The following PLCE1 variants were observed in gnomAD, a reference collection of about 807,000 sequenced individuals.
PLCE1 encodes phospholipase C epsilon 1, also known as 1-phosphatidylinositol 4,5-bisphosphate phosphodiesterase epsilon-1.
Under a neutral mutation model 242.8 loss-of-function variants are expected in PLCE1, and 119 were observed. The observed-to-expected ratio is 0.49, with a 90% CI of 0.42 to 0.57. PLCE1 has a LOEUF of 0.57. Ranked by LOEUF, PLCE1 falls within the 20% of genes least tolerant of loss-of-function variation. The pLI is 0.00. For synonymous variants in PLCE1, 945 were observed against 1,017.4 expected, an observed-to-expected ratio of 0.93 and a Z score of 1.35; for missense variants, 2,441 against 2,788.8, an observed-to-expected ratio of 0.88 and a Z score of 2.81.
intron 6 of PLCE1, among the ~76,000 whole-genome samples, chr10:94,235,112 A>C (rs1474812056): frequency 6.7e-6 from 1 of 149,708 alleles, no homozygotes; most frequent in Admixed American, 6.6e-5. Flanking sequence ...AGTCATGTAC[A>C]TGCCTTCTCC....
intron 3 of PLCE1, among the ~76,000 whole-genome samples, chr10:94,151,038 T>C (rs1175926464): frequency 6.6e-6 from 1 of 152,186 alleles, no homozygotes; most frequent in Non-Finnish European, 1.5e-5. Flanking sequence ...CCAGCAGCTG[T>C]TCTTCCATGT....
intron 2 of PLCE1, among the ~76,000 whole-genome samples, chr10:94,083,836 T>A (rs1206877783): frequency 6.6e-6 from 1 of 152,228 alleles, no homozygotes; most frequent in East Asian, 1.9e-4. Context: ...AACAGGGGCC[T>A]GTTGCCAGTA....
At chr10:94,294,004 G>A (rs1435995994) in intron 23 of PLCE1, among the ~76,000 whole-genome samples, 1 of 152,154 alleles carries the variant, frequency 6.6e-6, no homozygotes, top group Admixed American at 6.5e-5. Context: ...CTACTAGGGA[G>A]GCTGAGGCAA....
rs886047490 is a variant in PLCE1 at position 93,994,155 on chromosome 10, A to G, written c.-468A>G. The stretch of plus-strand genomic sequence containing the variant: ...GGCATCGGCTCTGCAGCTGACACAC[A>G]GTAGCGGGGACACCCGACGCCGCTA... On this transcript the variant is annotated 5_prime_UTR_variant, in exon 1 of 33. Transcript: ENST00000371380. Among the ~76,000 whole-genome samples, 3 of 151,998 alleles carry G rather than the reference A, an allele frequency of 2.0e-5. No individual in the cohort carries two copies. Among genetic ancestry groups the G allele is most frequent in the Non-Finnish European group, 2.9e-5 (2 of 67,942 alleles).
chr10:94,167,044 C>A (rs2047828193), intron 3 of PLCE1, among the ~76,000 whole-genome samples: 1 of 152,164 alleles, frequency 6.6e-6, no homozygotes, highest in Non-Finnish European at 1.5e-5. Context: ...AATCCTAGCA[C>A]TTTGGGAGGC....
intron 22 of PLCE1, among the ~76,000 whole-genome samples, chr10:94,289,625 A>G (rs2052579756): frequency 6.6e-6 from 1 of 152,200 alleles, no homozygotes; most frequent in Admixed American, 6.5e-5. Context: ...AGTGTAACAC[A>G]ATGATAAGTA....
intron 2 of PLCE1, chr10:94,089,287 A>G (rs775567770): frequency 6.2e-7 from 1 of 1,613,958 alleles, no homozygotes; most frequent in South Asian, 1.1e-5. Context: ...AGCTGTCTTG[A>G]AGGTTGGTTG....
chr10:94,095,607 T>C (rs1170695967), intron 2 of PLCE1, among the ~76,000 whole-genome samples: 1 of 152,196 alleles, frequency 6.6e-6, no homozygotes, highest in African/African-American at 2.4e-5. Context: ...CATTCAGCAC[T>C]TGCTGTGTGT....
intron 1 of PLCE1, among the ~76,000 whole-genome samples, chr10:93,999,687 C>T (rs2060896670): frequency 1.3e-5 from 2 of 152,218 alleles, no homozygotes; most frequent in South Asian, 4.1e-4. Flanking sequence ...CTCGCTCCCA[C>T]CTCTGTTCCT....
Position 94,324,908 on chromosome 10 carries a change from A to G in PLCE1, c.6737A>G (p.Lys2246Arg), listed in dbSNP as rs1554919219. Residue 2246 changes from lysine (K) to arginine (R), a missense_variant, in exon 32 of 33, where the codon AAA (lysine) becomes AGA (arginine). Lys to Arg is a conservative substitution (Grantham distance 26). Coordinates refer to ENST00000371380, the MANE Select transcript of PLCE1 (RefSeq NM_016341.4). ...KEQVQASRED[K>R]KKGISFASEL... ...TTCCCACAGGCATCTCGAGAAGATA[A>G]AAAGAAAGGCATTTCTTTCGCAAGT... The G allele has an allele frequency of 3.1e-6, 5 of 1,614,146 alleles. No individual in the cohort carries two copies. Among genetic ancestry groups the G allele is most frequent in the African/African-American group, 1.3e-5 (1 of 75,046 alleles).
At chr10:94,112,685 G>T (rs959742432) in intron 2 of PLCE1, among the ~76,000 whole-genome samples, 1 of 152,146 alleles carries the variant, frequency 6.6e-6, no homozygotes, top group East Asian at 1.9e-4. Context: ...CAGGGCTCAG[G>T]CCTCAGTATT....
chr10:94,045,725 A>T (rs763188861), intron 2 of PLCE1, among the ~76,000 whole-genome samples: 2 of 152,220 alleles, frequency 1.3e-5, no homozygotes, highest in African/African-American at 2.4e-5. Flanking sequence ...ACAGAGCACC[A>T]GCCCTGGAAG....
chr10:94,077,740 C>T (rs956190329), intron 2 of PLCE1, among the ~76,000 whole-genome samples: 2 of 152,160 alleles, frequency 1.3e-5, no homozygotes, highest in African/African-American at 4.8e-5. Context: ...GCACTCCAGC[C>T]TGGGTGACAG....
At chr10:94,237,181 A>G (rs897877683) in intron 7 of PLCE1, among the ~76,000 whole-genome samples, 5 of 152,178 alleles carry the variant, frequency 3.3e-5, no homozygotes, top group Admixed American at 6.5e-5. Flanking sequence ...CTTAAATCCT[A>G]CTGTTAAGGC....
At chr10:94,263,705 C>G (rs2051399603) in intron 14 of PLCE1, among the ~76,000 whole-genome samples, 1 of 151,662 alleles carries the variant, frequency 6.6e-6, no homozygotes, top group Non-Finnish European at 1.5e-5. Flanking sequence ...AAAAAACAAA[C>G]AAAAAACAAG....
intron 29 of PLCE1, among the ~76,000 whole-genome samples, chr10:94,318,493 A>G (rs2133820734): frequency 6.6e-6 from 1 of 152,340 alleles, no homozygotes; most frequent in South Asian, 2.1e-4. Context: ...ACACTTAAGG[A>G]AATAGATTCA....
chr10:94,218,570 T>C (rs1004166624), intron 4 of PLCE1, among the ~76,000 whole-genome samples: 2 of 152,106 alleles, frequency 1.3e-5, no homozygotes, highest in Non-Finnish European at 2.9e-5. Context: ...CAGCTTAGAA[T>C]TGGGACTTGT....
intron 2 of PLCE1, chr10:94,099,783 GA>G (rs2045454306): frequency 6.6e-6 from 1 of 152,250 alleles, no homozygotes; most frequent in African/African-American, 2.4e-5. Flanking sequence ...TATGGTGAGA[GA>G]GGGGGCAGGG....
chr10:94,317,381 C>T (rs2053612635), intron 29 of PLCE1, among the ~76,000 whole-genome samples: 1 of 152,032 alleles, frequency 6.6e-6, no homozygotes, highest in Non-Finnish European at 1.5e-5. Context: ...GCTATGGGTC[C>T]AGTATTTTAT....
Sources: gnomAD v4.1 joint callset for allele counts (sites outside exome capture counted in the v4.1 genomes callset) on GRCh38, gnomAD v4.1.1 for gene constraint, MANE v1.5 for transcripts, NCBI Gene and HGNC (gene_info 2026-07-23, HGNC 2026-07-21) for gene names.